The following TEX29 variants were observed in gnomAD, a reference collection of about 807,000 sequenced individuals.
TEX29 encodes the protein testis-expressed protein 29.
Under a neutral mutation model 18.2 loss-of-function variants are expected in TEX29, and 26 were observed. That is an observed-to-expected ratio of 1.43 (90% CI 1.04 to 1.98). The LOEUF (loss-of-function observed/expected upper bound fraction) is 1.98, where lower values mean the gene tolerates loss of function less well. Ranked by LOEUF, TEX29 falls within the 30% of genes most tolerant of loss-of-function variation. The pLI, the probability that TEX29 is intolerant of heterozygous loss-of-function variation, is 0.00. For synonymous variants in TEX29, 83 were observed against 78.5 expected, an observed-to-expected ratio of 1.06 and a Z score of -0.31; for missense variants, 177 against 194.2, an observed-to-expected ratio of 0.91 and a Z score of 0.53.
upstream of TEX29, chr13:111,316,379 G>A (rs1437798189): frequency 6.9e-6 from 3 of 435,668 alleles, no homozygotes; most frequent in South Asian, 3.2e-5. Flanking sequence ...TGGAGCCCCC[G>A]CTGTCTGCCC....
At chr13:111,339,969 G>GA in intron 4 of TEX29, 37 bp downstream of exon 4, 2 of 1,426,708 alleles carry the variant, frequency 1.4e-6, no homozygotes, top group Non-Finnish European at 9.9e-7. Context: ...GGGTGGGGAG[G>GA]AGGGGACTCA....
rs139363635 is a variant in TEX29, at chr13:111,342,750, C to T, written c.240-6C>T. On this transcript the variant is annotated splice_region_variant and splice_polypyrimidine_tract_variant and intron_variant, in intron 4 of 5. Transcript: ENST00000283547. ...CCTGACTGTGATAAAACCCTCTTCC[C>T]ATCAGAGTCATTCAGGAGAGCAGGA... 1.2e-4 allele frequency: 188 copies of T among 1,613,290 alleles called. No individual in the cohort carries two copies. In the African/African-American group the frequency reaches 2.3e-3, roughly 20 times the overall value.
intron 3 of TEX29, among the ~76,000 whole-genome samples, chr13:111,334,901 T>C (rs532980367): frequency 6.6e-6 from 1 of 152,320 alleles, no homozygotes; most frequent in South Asian, 2.1e-4. Flanking sequence ...GCCAGGCTGC[T>C]GGCTTTACCA....
chr13:111,322,826 G>C (rs775820305), intron 2 of TEX29, among the ~76,000 whole-genome samples: 1 of 152,208 alleles, frequency 6.6e-6, no homozygotes, highest in African/African-American at 2.4e-5. Context: ...GGGAGGCTGT[G>C]AAATGACAAG....
At position 111,342,805 on chromosome 13, in the gene TEX29, C is replaced by A. The variant is rs149892299; in HGVS notation, c.289C>A (p.Leu97Met). The A allele has an allele frequency of 3.1e-6, 5 of 1,613,984 alleles. No individual in the cohort carries two copies. Among genetic ancestry groups the A allele is most frequent in the African/African-American group, 1.3e-5 (1 of 74,900 alleles). The part of the protein sequence containing the change: ...KEKAIPVDVA[L>M]PQKSSEKAEL... ...AAAGGCCATCCCTGTGGATGTCGCG[C>A]TGCCACAGAAGTCCAGCGAAAAGGC... The change falls in exon 5 of 6, where the codon CTG becomes ATG. Residue 97 changes from leucine to methionine, a missense_variant. Transcript: ENST00000283547.
At chr13:111,323,054 T>C (rs72653592) in intron 2 of TEX29, among the ~76,000 whole-genome samples, 21,423 of 152,290 alleles carry the variant, frequency 0.14, 1,833 homozygotes, top group Middle Eastern at 0.24. Flanking sequence ...GAAGAGACTC[T>C]GTGGCCGGGT....
intron 5 of TEX29, 69 bp downstream of exon 5, chr13:111,343,000 C>A: frequency 6.5e-7 from 1 of 1,543,156 alleles, no homozygotes; most frequent in South Asian, 1.2e-5. Flanking sequence ...GGGAGACCTT[C>A]CCTGGGAAGG....
At chr13:111,342,432 C>T (rs1273933187) in intron 4 of TEX29, among the ~76,000 whole-genome samples, 2 of 151,756 alleles carry the variant, frequency 1.3e-5, no homozygotes, top group African/African-American at 2.4e-5. Context: ...GTGGCTCATA[C>T]TTGTAATCTC....
At chr13:111,328,423 C>G (rs944018814) in intron 3 of TEX29, 130 bp downstream of exon 3, 3 of 665,496 alleles carry the variant, frequency 4.5e-6, no homozygotes, top group Non-Finnish European at 8.0e-6. Context: ...GTTCTCTGGC[C>G]AACTCTTCTG....
intron 2 of TEX29, among the ~76,000 whole-genome samples, chr13:111,325,513 C>T (rs1417531125): frequency 2.0e-5 from 3 of 152,232 alleles, no homozygotes; most frequent in Non-Finnish European, 4.4e-5. Flanking sequence ...GCCCCCTTGG[C>T]AGCTGTGACC....
intron 2 of TEX29, 70 bp from the exon 3 acceptor site, chr13:111,328,113 G>C (rs2093676984): frequency 2.9e-6 from 3 of 1,031,982 alleles, no homozygotes; most frequent in African/African-American, 3.1e-5. Flanking sequence ...CCGGTTCCCA[G>C]GTTCTTTAGC....
chr13:111,343,210 T>C (rs1183144582), intron 5 of TEX29, among the ~76,000 whole-genome samples: 2 of 152,062 alleles, frequency 1.3e-5, no homozygotes, highest in Non-Finnish European at 2.9e-5. Context: ...GGGGCCCTCA[T>C]TGTTAGTGTG....
intron 2 of TEX29, 35 bp downstream of exon 2, chr13:111,320,983 T>TGGGG: frequency 1.0e-5 from 2 of 193,516 alleles, no homozygotes; most frequent in Non-Finnish European, 1.8e-5. Context: ...GCGGGTGGGG[T>TGGGG]GGGGGAGCAG....
chr13:111,341,944 C>G (rs2093697216), intron 4 of TEX29, among the ~76,000 whole-genome samples: 1 of 152,218 alleles, frequency 6.6e-6, no homozygotes, highest in Non-Finnish European at 1.5e-5. Flanking sequence ...ACTCAGGCTC[C>G]CAGTTGTCTC....
At chr13:111,330,723 G>A (rs747978414) in intron 3 of TEX29, among the ~76,000 whole-genome samples, 1 of 152,102 alleles carries the variant, frequency 6.6e-6, no homozygotes, top group Non-Finnish European at 1.5e-5. Context: ...ATTAGCAGTC[G>A]TGTCCTATCC....
chr13:111,336,885 G>A (rs536817807), intron 3 of TEX29, among the ~76,000 whole-genome samples: 73 of 152,302 alleles, frequency 4.8e-4, no homozygotes, highest in African/African-American at 1.6e-3. Flanking sequence ...GACAAAGAAC[G>A]TGAGCACGTA....
At chr13:111,320,995 T>TGGGGGGGGGCCCCACCAGTG in intron 2 of TEX29, 47 bp downstream of exon 2, 1 of 320,864 alleles carries the variant, frequency 3.1e-6, no homozygotes, top group Non-Finnish European at 5.8e-6. Flanking sequence ...GGGGAGCAGT[T>TGGGGGGGGGCCCCACCAGTG]GGGGGGGGGC....
Position 111,339,875 on chromosome 13 carries a change from T to A in TEX29, c.182T>A (p.Val61Glu). Residue 61 changes from valine (V) to glutamate (E), a missense_variant, in exon 4 of 6, where the codon GTG becomes GAG. By Grantham distance (121) the Val-to-Glu change is moderately radical. Coordinates refer to ENST00000283547, the MANE Select transcript of TEX29 (RefSeq NM_152324.3). ...YKKAVPIYIHVFSALIVIIAG... is the reference protein window; with the variant it reads ...YKKAVPIYIHEFSALIVIIAG... Reference sequence around the variant, plus strand: ...CACCATTTTTCAGTTTACATCCACGTGTTCTCTGCCTTGATTGTGATCATC... The same window carrying A: ...CACCATTTTTCAGTTTACATCCACGAGTTCTCTGCCTTGATTGTGATCATC... 6.2e-7 allele frequency: 1 copy of A among 1,614,184 alleles called. No individual in the cohort carries two copies. The highest frequency in any genetic ancestry group is 8.5e-7 in the Non-Finnish European group (1 of 1,180,008).
chr13:111,316,585 C>T (rs1385137882), upstream of TEX29, among the ~76,000 whole-genome samples: 3 of 152,188 alleles, frequency 2.0e-5, no homozygotes, highest in Non-Finnish European at 4.4e-5. Flanking sequence ...AACGCTGGGC[C>T]CGGGTGTCAA....
Sources: allele counts gnomAD v4.1 joint callset (sites outside exome capture counted in the v4.1 genomes callset), GRCh38; gene constraint gnomAD v4.1.1; transcripts MANE v1.5; gene names NCBI Gene and HGNC (gene_info 2026-07-23, HGNC 2026-07-21).